Variants in ATP5MJ observed in about 807,000 individuals in gnomAD.
ATP5MJ encodes ATP synthase F(0) complex subunit j, mitochondrial.
A neutral mutation model predicts 8.3 loss-of-function variants in ATP5MJ; 4 were observed. That is an observed-to-expected ratio of 0.48 (90% CI 0.24 to 1.11). The LOEUF (loss-of-function observed/expected upper bound fraction) is 1.11. ATP5MJ is among the 50% of genes least tolerant of loss of function. The pLI, the probability that ATP5MJ is intolerant of heterozygous loss-of-function variation, is 0.18. For synonymous variants in ATP5MJ, 23 were observed against 21.3 expected, an observed-to-expected ratio of 1.08 and a Z score of -0.23; for missense variants, 66 against 71.8, an observed-to-expected ratio of 0.92 and a Z score of 0.29.
At chr14:103,914,012 A>G in intron 2 of ATP5MJ, 28 bp from the exon 3 acceptor site, 1 of 1,596,564 alleles carries the variant, frequency 6.3e-7, no homozygotes, top group Non-Finnish European at 8.6e-7. Flanking sequence ...AAAAAAAAGC[A>G]GTCATATCAA....
At chr14:103,919,487 C>CT (rs1368054350) in intron 1 of ATP5MJ, among the ~76,000 whole-genome samples, 1 of 151,900 alleles carries the variant, frequency 6.6e-6, no homozygotes, top group Non-Finnish European at 1.5e-5. Context: ...CACTGGGACT[C>CT]TAACAAGAAG....
rs181342223 is a variant in ATP5MJ at position 103,921,326 on chromosome 14, A to G, written c.-1+144T>C. ...AACCGACCCTGGCCTACCTCCCTTC[A>G]GAGAAGGGAAAGCCGGGCAGAAAAG... On this transcript the variant is annotated intron_variant, in intron 1 of 3. Transcript: ENST00000286953. The G allele has an allele frequency of 1.0e-5, 3 of 287,754 alleles. No individual in the cohort carries two copies. In the East Asian group the frequency reaches 2.0e-4, roughly 20 times the overall value. 17.8% of individuals were successfully genotyped at this position (287,754 alleles called of 1,614,324 possible).
chr14:103,912,704 G>A lies in ATP5MJ; in HGVS notation c.149-10C>T. 6.2e-7 allele frequency: 1 copy of A among 1,612,928 alleles called. No individual in the cohort carries two copies. Among genetic ancestry groups the A allele is most frequent in the Non-Finnish European group, 8.5e-7 (1 of 1,178,940 alleles). On this transcript the variant is annotated splice_polypyrimidine_tract_variant and intron_variant, in intron 3 of 3. Coordinates refer to ENST00000286953, the MANE Select transcript of ATP5MJ (RefSeq NM_004894.3). ...GGAGCAGGCGCTGAAGCTTTTGAAA[G>A]AGATGCATATATAAATATGATTTAA... is the stretch of plus-strand genomic sequence containing the variant.
intron 1 of ATP5MJ, among the ~76,000 whole-genome samples, chr14:103,915,648 ATTTTTTTT>A (rs542646013): frequency 3.6e-4 from 48 of 132,892 alleles, no homozygotes; most frequent in African/African-American, 1.2e-3. Flanking sequence ...GTGCCTGGCC[ATTTTTTTT>A]TTTTTTTTTT....
rs58442831 is a variant in ATP5MJ at position 103,914,791 on chromosome 14, C to T, written c.124+275G>A. On this transcript the variant is annotated intron_variant, in intron 2 of 3. Transcript: ENST00000286953. ...GGTGGAGGCTGCAGTGAACCATGAT[C>T]GTGCCATTGCACTCCAGCCTGGGCG... The T allele has an allele frequency of 7.7e-4, 366 of 475,276 alleles. 1 individual carries two copies. The highest frequency in any genetic ancestry group is 7.6e-3 in the African/African-American group (330 of 43,684). The allele number at this position is 475,276 out of a possible 1,614,324, so 29.4% of individuals were successfully genotyped here.
chr14:103,913,808 AT>A (rs2087601169), intron 3 of ATP5MJ, 152 bp downstream of exon 3: 1 of 817,070 alleles, frequency 1.2e-6, no homozygotes, highest in Non-Finnish European at 1.9e-6. Context: ...CCCAGCAGGC[AT>A]AGCAAACTTC....
At chr14:103,914,958 T>C (rs2087613464) in intron 2 of ATP5MJ, 108 bp downstream of exon 2, 1 of 1,414,230 alleles carries the variant, frequency 7.1e-7, no homozygotes, top group Admixed American at 2.1e-5. Flanking sequence ...GTAGCTCTAA[T>C]GTTCATACCT....
chr14:103,912,737 G>C, intron 3 of ATP5MJ, 43 bp from the exon 4 acceptor site: 1 of 1,575,656 alleles, frequency 6.3e-7, no homozygotes, highest in Non-Finnish European at 8.7e-7. Context: ...TAAGAAGGAA[G>C]GAACAAGTTG....
chr14:103,920,468 CTTTT>C (rs57538744), intron 1 of ATP5MJ, among the ~76,000 whole-genome samples: 31 of 106,548 alleles, frequency 2.9e-4, no homozygotes, highest in Middle Eastern at 0.016. Flanking sequence ...ACAGCCCCTA[CTTTT>C]TTTTTTTTTT....
chr14:103,914,998 G>A, intron 2 of ATP5MJ, 68 bp downstream of exon 2: 1 of 1,598,846 alleles, frequency 6.3e-7, no homozygotes, highest in Non-Finnish European at 8.6e-7. Flanking sequence ...TTTACAATGT[G>A]AATTGTGATT....
In ATP5MJ at chr14:103,913,739, T is replaced by G. The variant is rs1024611587; in HGVS notation, c.148+222A>C. 7 of 599,754 alleles carry G rather than the reference T, an allele frequency of 1.2e-5. No homozygotes were observed. In the African/African-American group the frequency reaches 1.3e-4, roughly 11 times the overall value. The allele number at this position is 599,754 out of a possible 1,614,324, so 37.2% of individuals were successfully genotyped here. On this transcript the variant is annotated intron_variant, in intron 3 of 3. Coordinates refer to ENST00000286953, the MANE Select transcript of ATP5MJ (RefSeq NM_004894.3). ...TCTAATTAATCCATTCCTCTATTAC[T>G]CCTGGAAGTTTTACTTGATCCACTT...
At chr14:103,920,639 T>C (rs990583716) in intron 1 of ATP5MJ, among the ~76,000 whole-genome samples, 24 of 150,270 alleles carry the variant, frequency 1.6e-4, no homozygotes, top group Non-Finnish European at 5.9e-5. Context: ...ACCCAGCTAA[T>C]TTTTGTATTT....
intron 1 of ATP5MJ, 66 bp downstream of exon 1, chr14:103,921,404 G>A: frequency 4.3e-6 from 1 of 235,138 alleles, no homozygotes; most frequent in Non-Finnish European, 8.6e-6. Context: ...GGGCCAAGGC[G>A]GCTTCTCGCC....
At chr14:103,913,742 T>C in intron 3 of ATP5MJ, 1 of 602,574 alleles carries the variant, frequency 1.7e-6, no homozygotes, top group East Asian at 2.8e-5. Flanking sequence ...CTATTACTCC[T>C]GGAAGTTTTA....
chr14:103,919,112 G>T (rs973850016), intron 1 of ATP5MJ, among the ~76,000 whole-genome samples: 1 of 152,204 alleles, frequency 6.6e-6, no homozygotes, highest in South Asian at 2.1e-4. Context: ...ACTGGGCACG[G>T]TGGCTTACGC....
At chr14:103,920,811 G>T in intron 1 of ATP5MJ, 1 of 783,394 alleles carries the variant, frequency 1.3e-6, no homozygotes, top group Non-Finnish European at 2.2e-6. Context: ...ACATTTCCTA[G>T]CTGTGTGTGT....
rs567645931 is a variant in ATP5MJ, at chr14:103,921,505, A to G, written c.-36T>C. The stretch of plus-strand genomic sequence containing the variant: ...GACAGACGGCTCAGAACGCACCACA[A>G]ATCTGCAGCCAACTCGGAAAGGTCA... On this transcript the variant is annotated 5_prime_UTR_variant, in exon 1 of 4. Coordinates refer to ENST00000286953, the MANE Select transcript of ATP5MJ (RefSeq NM_004894.3). The G allele has an allele frequency of 6.5e-6, 1 of 154,490 alleles. No individual in the cohort carries two copies. Among genetic ancestry groups the G allele is most frequent in the Non-Finnish European group, 1.4e-5 (1 of 69,220 alleles). The allele number at this position is 154,490 out of a possible 1,614,324, so 9.6% of individuals were successfully genotyped here.
At chr14:103,913,765 G>C (rs935947802) in intron 3 of ATP5MJ, 196 bp downstream of exon 3, 5 of 637,316 alleles carry the variant, frequency 7.8e-6, no homozygotes, top group Middle Eastern at 2.6e-4. Flanking sequence ...TGATCCACTT[G>C]ACTATAAAAA....
At chr14:103,920,468 C>CTTTTTT (rs57538744) in intron 1 of ATP5MJ, among the ~76,000 whole-genome samples, 5 of 106,574 alleles carry the variant, frequency 4.7e-5, no homozygotes, top group African/African-American at 1.9e-4. Context: ...ACAGCCCCTA[C>CTTTTTT]TTTTTTTTTT....
Sources: allele counts gnomAD v4.1 joint callset (sites outside exome capture counted in the v4.1 genomes callset), GRCh38; gene constraint gnomAD v4.1.1; transcripts MANE v1.5; gene names NCBI Gene and HGNC (gene_info 2026-07-23, HGNC 2026-07-21).